The following MCTP2 variants were observed in gnomAD, a reference collection of about 807,000 sequenced individuals.
MCTP2 encodes multiple C2 and transmembrane domain-containing protein 2.
Under a neutral mutation model 111.6 loss-of-function variants are expected in MCTP2, and 132 were observed. That is an observed-to-expected ratio of 1.18 (90% CI 1.03 to 1.37). The LOEUF (loss-of-function observed/expected upper bound fraction) is 1.37. Ranked by LOEUF, MCTP2 falls within the 40% of genes most tolerant of loss-of-function variation. MCTP2 has a pLI of 0.00. For synonymous variants in MCTP2, 395 were observed against 387.7 expected (o/e 1.02, Z -0.22); for missense variants, 1,183 against 1,067.9 (o/e 1.11, Z -1.50).
chr15:94,414,817 C>T (rs1056990762), intron 17 of MCTP2, among the ~76,000 whole-genome samples: 10 of 152,102 alleles, frequency 6.6e-5, no homozygotes, highest in African/African-American at 2.4e-4. Context: ...ATCTAATGAC[C>T]TATGGGTATT....
chr15:94,472,564 C>A (rs1306901461), intron 21 of MCTP2, among the ~76,000 whole-genome samples: 2 of 152,146 alleles, frequency 1.3e-5, no homozygotes, highest in Non-Finnish European at 2.9e-5. Flanking sequence ...GTTCTATTTT[C>A]CACTTTATGG....
chr15:94,320,029 T>G (rs1450742834), intron 4 of MCTP2, among the ~76,000 whole-genome samples: 1 of 152,232 alleles, frequency 6.6e-6, no homozygotes, highest in African/African-American at 2.4e-5. Flanking sequence ...CACCTCAATC[T>G]TATAAGATTT....
intron 17 of MCTP2, among the ~76,000 whole-genome samples, chr15:94,430,636 T>C (rs1017547130): frequency 1.4e-5 from 2 of 147,756 alleles, no homozygotes; most frequent in African/African-American, 2.5e-5. Context: ...TAATCGCAGC[T>C]ACTTGGGAGG....
chr15:94,389,975 A>G (rs2080777250), intron 14 of MCTP2, among the ~76,000 whole-genome samples: 1 of 150,844 alleles, frequency 6.6e-6, no homozygotes, highest in African/African-American at 2.4e-5. Flanking sequence ...TTTTTAATCA[A>G]GGTGAATGTG....
At chr15:94,281,772 C>T (rs1012619660) in intron 1 of MCTP2, among the ~76,000 whole-genome samples, 2 of 152,242 alleles carry the variant, frequency 1.3e-5, no homozygotes, top group South Asian at 4.1e-4. Flanking sequence ...ATTCCCCTAG[C>T]ATTTCTTGTC....
At chr15:94,452,593 T>C (rs1377585520) in intron 19 of MCTP2, among the ~76,000 whole-genome samples, 1 of 152,202 alleles carries the variant, frequency 6.6e-6, no homozygotes, top group Non-Finnish European at 1.5e-5. Flanking sequence ...AAACAAGTAC[T>C]GTAGCAACAC....
At chr15:94,433,641 T>C (rs1185562057) in intron 17 of MCTP2, among the ~76,000 whole-genome samples, 1 of 152,244 alleles carries the variant, frequency 6.6e-6, no homozygotes, top group Non-Finnish European at 1.5e-5. Context: ...TGAATTATGG[T>C]AAATATATGT....
At chr15:94,332,634 A>G (rs2077180884) in intron 4 of MCTP2, among the ~76,000 whole-genome samples, 1 of 151,254 alleles carries the variant, frequency 6.6e-6, no homozygotes, top group Non-Finnish European at 1.5e-5. Flanking sequence ...AAATATGGTG[A>G]TAATTTCCTT....
intron 1 of MCTP2, among the ~76,000 whole-genome samples, 169 bp from the exon 2 acceptor site, chr15:94,298,032 C>T (rs1426658739): frequency 6.6e-6 from 1 of 151,874 alleles, no homozygotes; most frequent in Non-Finnish European, 1.5e-5. Flanking sequence ...AATGCTTTCC[C>T]CAATATTTAT....
chr15:94,469,132 G>A (rs1388414260), intron 20 of MCTP2, among the ~76,000 whole-genome samples: 1 of 152,064 alleles, frequency 6.6e-6, no homozygotes, highest in East Asian at 1.9e-4. Context: ...ATAACTTTGT[G>A]GTATTCCCTC....
intron 1 of MCTP2, among the ~76,000 whole-genome samples, chr15:94,238,622 A>G (rs1205415595): frequency 2.0e-5 from 3 of 152,196 alleles, no homozygotes; most frequent in Non-Finnish European, 4.4e-5. Flanking sequence ...ATCCTCTCAG[A>G]GCTTACAGTT....
chr15:94,249,953 A>G (rs558272488), intron 1 of MCTP2, among the ~76,000 whole-genome samples: 72 of 152,222 alleles, frequency 4.7e-4, no homozygotes, highest in African/African-American at 1.5e-3. Context: ...TTATTTTTAC[A>G]TTCGCTTATT....
intron 1 of MCTP2, among the ~76,000 whole-genome samples, chr15:94,232,433 C>G (rs972060395): frequency 1.3e-5 from 2 of 152,202 alleles, no homozygotes; most frequent in African/African-American, 2.4e-5. Context: ...CAAGCAGCTT[C>G]TCAGTGAACC....
intron 1 of MCTP2, among the ~76,000 whole-genome samples, chr15:94,287,485 A>G (rs912516575): frequency 6.6e-6 from 1 of 152,080 alleles, no homozygotes; most frequent in East Asian, 1.9e-4. Flanking sequence ...TTTTGTGTTT[A>G]TATGTTTATA....
chr15:94,408,061 A>T (rs1000918056), intron 17 of MCTP2, among the ~76,000 whole-genome samples: 1 of 152,162 alleles, frequency 6.6e-6, no homozygotes, highest in Non-Finnish European at 1.5e-5. Context: ...TGCTTTCGAT[A>T]TTTATGTGTT....
intron 17 of MCTP2, among the ~76,000 whole-genome samples, chr15:94,418,355 C>G (rs940515136): frequency 3.3e-5 from 5 of 152,112 alleles, no homozygotes; most frequent in African/African-American, 9.7e-5. Flanking sequence ...ATCTACCTAC[C>G]TTTATGGAGA....
intron 1 of MCTP2, among the ~76,000 whole-genome samples, chr15:94,245,241 T>C (rs188587205): frequency 4.6e-4 from 66 of 142,906 alleles, no homozygotes; most frequent in African/African-American, 1.4e-3. Flanking sequence ...TGTATGTATA[T>C]ATACACATAT....
intron 4 of MCTP2, among the ~76,000 whole-genome samples, chr15:94,339,069 A>T (rs1172931246): frequency 6.6e-6 from 1 of 152,192 alleles, no homozygotes; most frequent in Non-Finnish European, 1.5e-5. Flanking sequence ...AAGAAAATAA[A>T]AATTACTCAA....
At chr15:94,434,532 T>C (rs1038332776) in intron 17 of MCTP2, among the ~76,000 whole-genome samples, 5 of 152,138 alleles carry the variant, frequency 3.3e-5, no homozygotes, top group Non-Finnish European at 7.4e-5. Flanking sequence ...CCATTTAGAG[T>C]TAAATTTTGT....
Sources: gnomAD v4.1 joint callset for allele counts (sites outside exome capture counted in the v4.1 genomes callset) on GRCh38, gnomAD v4.1.1 for gene constraint, MANE v1.5 for transcripts, NCBI Gene and HGNC (gene_info 2026-07-23, HGNC 2026-07-21) for gene names.